KCNMA1: variants seen among roughly 807,000 people sequenced by gnomAD.
KCNMA1 encodes the protein potassium calcium-activated channel subfamily M alpha 1.
A neutral mutation model predicts 140.0 loss-of-function variants in KCNMA1; 29 were observed. The ratio of observed to expected loss-of-function variants is 0.21; its 90% confidence interval spans 0.15 to 0.28. The LOEUF (loss-of-function observed/expected upper bound fraction) is 0.28. Ranked by LOEUF, KCNMA1 falls within the 10% of genes least tolerant of loss-of-function variation. KCNMA1 has a pLI of 1.00. For synonymous variants in KCNMA1, 612 were observed against 611.9 expected (o/e 1.00, Z 0.00); for missense variants, 880 against 1,602.2 (o/e 0.55, Z 7.70).
At chr10:76,967,597 G>C (rs529796044) in intron 20 of KCNMA1, among the ~76,000 whole-genome samples, 19 of 152,194 alleles carry the variant, frequency 1.2e-4, no homozygotes, top group Non-Finnish European at 2.5e-4. Flanking sequence ...GGAGAATGTG[G>C]AGCACCTGGG....
chr10:77,075,031 C>T (rs1216845945), intron 13 of KCNMA1, among the ~76,000 whole-genome samples: 2 of 152,186 alleles, frequency 1.3e-5, no homozygotes, highest in East Asian at 3.9e-4. Context: ...TATGAAATTC[C>T]TTCTTGCAAA....
At chr10:77,340,002 A>G (rs1226877457) in intron 2 of KCNMA1, among the ~76,000 whole-genome samples, 2 of 152,218 alleles carry the variant, frequency 1.3e-5, no homozygotes, top group African/African-American at 2.4e-5. Flanking sequence ...AAACCCCTAC[A>G]TCTAGACTTC....
At chr10:77,007,522 T>C (rs1450933244) in intron 18 of KCNMA1, among the ~76,000 whole-genome samples, 3 of 151,852 alleles carry the variant, frequency 2.0e-5, no homozygotes, top group Non-Finnish European at 2.9e-5. Flanking sequence ...GCACTTCTCA[T>C]ACAGAGAAGC....
At chr10:77,222,509 C>T (rs1282948071) in intron 3 of KCNMA1, among the ~76,000 whole-genome samples, 3 of 152,188 alleles carry the variant, frequency 2.0e-5, no homozygotes. Context: ...TGTCTGCAGT[C>T]CTTCTGCAAG....
At position 77,490,146 on chromosome 10, in the gene KCNMA1, G is replaced by A. The variant is rs531750258; in HGVS notation, c.379-86123C>T. Among the ~76,000 whole-genome samples the A allele has an allele frequency of 1.6e-4, 25 of 152,286 alleles. 1 individual carries two copies. Among genetic ancestry groups the A allele is most frequent in the South Asian group, 8.3e-4 (4 of 4,820 alleles). On this transcript the variant is annotated intron_variant, in intron 1 of 27. Transcript: ENST00000286628. ...AAAATCATGCCTGGTTGAGAACCAC[G>A]GGGTTAAATGACCCTATATCCTAAT... is the stretch of plus-strand genomic sequence containing the variant.
intron 1 of KCNMA1, among the ~76,000 whole-genome samples, chr10:77,587,385 T>G (rs977884599): frequency 6.6e-6 from 1 of 152,164 alleles, no homozygotes; most frequent in Non-Finnish European, 1.5e-5. Context: ...AGCATTATAA[T>G]GAGAAAGCAA....
chr10:77,009,216 C>T (rs1185102017), intron 18 of KCNMA1, among the ~76,000 whole-genome samples: 1 of 152,094 alleles, frequency 6.6e-6, no homozygotes, highest in East Asian at 1.9e-4. Context: ...GCAATTGGTG[C>T]AGTGCATAAT....
At chr10:77,273,696 G>C (rs995207767) in intron 2 of KCNMA1, among the ~76,000 whole-genome samples, 7 of 152,170 alleles carry the variant, frequency 4.6e-5, no homozygotes, top group African/African-American at 7.2e-5. Context: ...GGCTGGGGAA[G>C]GACCTGGTGG....
At position 77,618,449 on chromosome 10, in the gene KCNMA1, G is replaced by A. The variant is rs1162038195; in HGVS notation, c.378+18816C>T. Reference sequence around the variant, plus strand: ...GTCCAGGAGAGAAACCAGCAGCGTGGTGTGGTAACTGGCAACTGGCCAGGT... The same window carrying A: ...GTCCAGGAGAGAAACCAGCAGCGTGATGTGGTAACTGGCAACTGGCCAGGT... On this transcript the variant is annotated intron_variant, in intron 1 of 27. Transcript: ENST00000286628. Among the ~76,000 whole-genome samples the A allele has an allele frequency of 3.3e-5, 5 of 152,290 alleles. No individual in the cohort carries two copies. The East Asian group carries it at 9.7e-4, about 29-fold the overall frequency.
intron 1 of KCNMA1, among the ~76,000 whole-genome samples, chr10:77,413,451 C>A (rs979479043): frequency 6.6e-6 from 1 of 152,086 alleles, no homozygotes; most frequent in East Asian, 1.9e-4. Flanking sequence ...TCCCAGGTAC[C>A]AATAATCCTG....
chr10:76,977,850 C>T (rs936238921), intron 19 of KCNMA1: 3 of 541,416 alleles, frequency 5.5e-6, no homozygotes, highest in African/African-American at 3.8e-5. Context: ...ATTCATCCAC[C>T]CAGTACTTTG....
intron 1 of KCNMA1, among the ~76,000 whole-genome samples, chr10:77,446,960 G>T (rs537947592): frequency 2.0e-5 from 3 of 152,284 alleles, no homozygotes; most frequent in South Asian, 4.1e-4. Context: ...GCCCTTCAGG[G>T]TCAGGTCAAA....
intron 19 of KCNMA1, among the ~76,000 whole-genome samples, chr10:76,981,971 G>A (rs1226218971): frequency 6.6e-5 from 10 of 152,084 alleles, no homozygotes; most frequent in African/African-American, 9.7e-5. Context: ...CAGGAGCCCC[G>A]GGGTTCTAGG....
At chr10:77,501,980 G>A (rs910365844) in intron 1 of KCNMA1, among the ~76,000 whole-genome samples, 5 of 152,144 alleles carry the variant, frequency 3.3e-5, no homozygotes, top group South Asian at 2.1e-4. Context: ...TCATACACTC[G>A]AGCATTTTAG....
chr10:76,984,477 A>T (rs2080609503), intron 19 of KCNMA1, among the ~76,000 whole-genome samples: 2 of 152,200 alleles, frequency 1.3e-5, no homozygotes, highest in Non-Finnish European at 2.9e-5. Flanking sequence ...GACGTGAGCC[A>T]CTGCACCCAG....
chr10:77,019,182 G>A (rs1444062513), intron 16 of KCNMA1, 83 bp from the exon 17 acceptor site: 4 of 810,044 alleles, frequency 4.9e-6, no homozygotes, highest in Non-Finnish European at 8.5e-6. Context: ...ACACCATACT[G>A]TTGTGTTTAT....
At chr10:77,160,519 G>C (rs1487330152) in intron 5 of KCNMA1, among the ~76,000 whole-genome samples, 1 of 152,214 alleles carries the variant, frequency 6.6e-6, no homozygotes, top group Non-Finnish European at 1.5e-5. Context: ...GGCGTGCACT[G>C]AGGGAGCAGG....
chr10:77,452,808 T>C (rs979406051), intron 1 of KCNMA1, among the ~76,000 whole-genome samples: 2 of 152,220 alleles, frequency 1.3e-5, no homozygotes, highest in African/African-American at 4.8e-5. Context: ...CTTTATCTTG[T>C]GTCTGATTCT....
At chr10:77,338,374 CTG>C (rs2089905796) in intron 2 of KCNMA1, among the ~76,000 whole-genome samples, 15 of 152,252 alleles carry the variant, frequency 9.9e-5, no homozygotes, top group Admixed American at 7.8e-4. Context: ...CAACCAGAGA[CTG>C]AGGAATAAAC....
Sources: allele counts gnomAD v4.1 joint callset (sites outside exome capture counted in the v4.1 genomes callset), GRCh38; gene constraint gnomAD v4.1.1; transcripts MANE v1.5; gene names NCBI Gene and HGNC (gene_info 2026-07-23, HGNC 2026-07-21).